The following BASP1 variants were observed in gnomAD, a reference collection of about 807,000 sequenced individuals.
The protein encoded by BASP1 is brain acid soluble protein 1.
BASP1 carries 1 observed loss-of-function variant against 2.2 expected under a neutral mutation model. The observed-to-expected ratio is 0.46, with a 90% CI of 0.16 to 2.17. The LOEUF is 2.17. Among genes scored for constraint, BASP1 ranks in the 30% most tolerant of loss-of-function variants. The pLI is 0.27. For missense variants in BASP1, 352 were observed against 327.2 expected (o/e 1.08, Z -0.58); for synonymous variants, 187 against 154.2 (o/e 1.21, Z -1.58).
chr5:17,275,435 G>A lies in BASP1; in HGVS notation c.219G>A (p.Lys73=). The A allele has an allele frequency of 6.5e-7, 1 of 1,531,200 alleles. No individual in the cohort carries two copies. Among genetic ancestry groups the A allele is most frequent in the Non-Finnish European group, 8.8e-7 (1 of 1,140,574 alleles). The allele number at this position is 1,531,200 out of a possible 1,614,324, so 94.9% of individuals were successfully genotyped here. A position where few individuals can be genotyped will look rare whatever the true frequency, so the allele number is the denominator to read the frequency against. Residue 73 remains lysine (K), a synonymous_variant, in exon 2 of 2, where the codon AAG becomes AAA. Transcript: ENST00000322611. The surrounding 1 kb of genome is among the most constrained non-coding windows in gnomAD (Gnocchi z 5.3). ...AGGCCGAGGAGAAGGAGGGCGAGAA[G>A]GACGCGGCGGCTGCCAAGGAGGAGG... ...EGKAEEKEGE[K]DAAAAKEEAP...
rs748574881 is a variant in BASP1 at position 17,275,767 on chromosome 5, A to C, written c.551A>C (p.Lys184Thr). ...AGCTCGGAGGCTGCCCCCTCTTCCA[A>C]GGAGACCCCCGCAGCCACGGAAGCG... ...PGSSEAAPSS[K>T]ETPAATEAPS... The change falls in exon 2 of 2, where the codon AAG becomes ACG. Residue 184 changes from lysine (K) to threonine (T), a missense_variant. Transcript: ENST00000322611. The surrounding 1 kb of genome is among the most constrained non-coding windows in gnomAD (Gnocchi z 5.3). The C allele has an allele frequency of 2.5e-6, 4 of 1,612,690 alleles. No homozygotes were observed. The highest frequency in any genetic ancestry group is 3.4e-6 in the Non-Finnish European group (4 of 1,179,690).
chr5:17,239,887 G>A lies in BASP1; in HGVS notation c.-10+22077G>A, dbSNP rs142689546. ...TTTATCCTGGTAGCATGGAGGTGTT[G>A]CTTCTTTTCATTTGTCTAGTTTTGT... On this transcript the variant is annotated intron_variant, in intron 1 of 1. Transcript: ENST00000322611. 3.1e-3 allele frequency among the ~76,000 whole-genome samples: 469 copies of A among 152,192 alleles called. 3 individuals are homozygous for A. Among genetic ancestry groups the A allele is most frequent in the African/African-American group, 0.011 (452 of 41,520 alleles).
At position 17,275,467 on chromosome 5, in the gene BASP1, A is replaced by T; in HGVS notation, c.251A>T (p.Lys84Met). The T allele has an allele frequency of 6.7e-7, 1 of 1,500,302 alleles. No individual in the cohort carries two copies. The highest frequency in any genetic ancestry group is 1.4e-5 in the African/African-American group (1 of 70,822). The allele number at this position is 1,500,302 out of a possible 1,614,324, so 92.9% of individuals were successfully genotyped here. A position where few individuals can be genotyped will look rare whatever the true frequency, so the allele number is the denominator to read the frequency against. ...GCGGCTGCCAAGGAGGAGGCCCCGA[A>T]GGCGGAGCCCGAGAAGACGGAGGGC... ...DAAAAKEEAPKAEPEKTEGAA... is the reference protein window; with the variant it reads ...DAAAAKEEAPMAEPEKTEGAA... The change falls in exon 2 of 2, where the codon AAG becomes ATG. Residue 84 changes from lysine (K) to methionine (M), a missense_variant. Physicochemically the swap from Lys to Met is moderately conservative, Grantham distance 95. Transcript: ENST00000322611. The surrounding 1 kb of genome is among the most constrained non-coding windows in gnomAD (Gnocchi z 5.3).
rs147432906 is a variant in BASP1, at chr5:17,264,868, G to C, written c.-9-10340G>C. Reference sequence around the variant, plus strand: ...GCATTTTCAAAGTAGAAACTTTATAGTGGATAGGGCCTTTGTATGATTCAA... The same window carrying C: ...GCATTTTCAAAGTAGAAACTTTATACTGGATAGGGCCTTTGTATGATTCAA... On this transcript the variant is annotated intron_variant, in intron 1 of 1. Transcript: ENST00000322611. Among the ~76,000 whole-genome samples the C allele has an allele frequency of 6.2e-4, 94 of 152,288 alleles. 1 individual carries two copies. The East Asian group carries it at 0.018, about 28-fold the overall frequency.
intron 1 of BASP1, among the ~76,000 whole-genome samples, chr5:17,230,663 A>G (rs934881595): frequency 2.0e-5 from 3 of 152,032 alleles, no homozygotes; most frequent in African/African-American, 7.2e-5. Context: ...TCCCGAGTTC[A>G]AGCGATTCTC....
At chr5:17,229,309 G>A (rs1009132251) in intron 1 of BASP1, among the ~76,000 whole-genome samples, 29 of 152,284 alleles carry the variant, frequency 1.9e-4, no homozygotes, top group African/African-American at 5.5e-4. Context: ...TGTTAAATAA[G>A]GTTTGAAAAC....
chr5:17,268,297 C>T (rs1740459305), intron 1 of BASP1, among the ~76,000 whole-genome samples: 1 of 152,012 alleles, frequency 6.6e-6, no homozygotes, highest in Non-Finnish European at 1.5e-5. Flanking sequence ...TTATTTTTTT[C>T]TTATACGGCA....
chr5:17,268,329 C>T (rs1740460430), intron 1 of BASP1, among the ~76,000 whole-genome samples: 2 of 151,948 alleles, frequency 1.3e-5, no homozygotes, highest in Non-Finnish European at 2.9e-5. Flanking sequence ...ACTCTTCCAC[C>T]TTTATTTTCT....
chr5:17,243,450 G>A (rs569055009), intron 1 of BASP1, among the ~76,000 whole-genome samples: 2 of 152,084 alleles, frequency 1.3e-5, no homozygotes, highest in Admixed American at 1.3e-4. Context: ...CACCACGCCC[G>A]GCTCCCTCCA....
At chr5:17,217,053 G>GGAGAGAGAGAGAGAGAGAGAGA (rs146244333), upstream of BASP1, 10 of 104,216 alleles carry the variant, frequency 9.6e-5, no homozygotes, top group African/African-American at 2.3e-4. Context: ...TAAATGAGGG[G>GGAGAGAGAGAGAGAGAGAGAGA]GAGAGAGAGA....
chr5:17,227,811 C>A (rs1739547578), intron 1 of BASP1, among the ~76,000 whole-genome samples: 1 of 152,210 alleles, frequency 6.6e-6, no homozygotes, highest in African/African-American at 2.4e-5. Flanking sequence ...AGGGTGAATG[C>A]CACCCTATTG....
chr5:17,256,746 A>T (rs560880588), intron 1 of BASP1, among the ~76,000 whole-genome samples: 9 of 152,222 alleles, frequency 5.9e-5, no homozygotes, highest in African/African-American at 2.2e-4. Flanking sequence ...TTCTAAGGAG[A>T]GTGATTCTCT....
At chr5:17,270,459 T>A (rs545222006) in intron 1 of BASP1, among the ~76,000 whole-genome samples, 3 of 152,336 alleles carry the variant, frequency 2.0e-5, no homozygotes, top group African/African-American at 7.2e-5. Context: ...TCTTAAGTAG[T>A]AAAATATTCA....
intron 1 of BASP1, among the ~76,000 whole-genome samples, chr5:17,271,596 A>G (rs906232508): frequency 6.6e-6 from 1 of 152,214 alleles, no homozygotes; most frequent in African/African-American, 2.4e-5. Flanking sequence ...GAGAAATGCA[A>G]AGTCAGTCTC....
intron 1 of BASP1, among the ~76,000 whole-genome samples, chr5:17,233,316 T>G (rs1367770167): frequency 2.0e-5 from 3 of 152,280 alleles, no homozygotes; most frequent in Admixed American, 6.5e-5. Context: ...GGTCTGAAGA[T>G]TGTCTCATTT....
At position 17,275,548 on chromosome 5, in the gene BASP1, C is replaced by A; in HGVS notation, c.332C>A (p.Pro111His). 1.4e-6 allele frequency: 2 copies of A among 1,404,958 alleles called. No homozygotes were observed. Among genetic ancestry groups the A allele is most frequent in the South Asian group, 1.6e-5 (1 of 62,320 alleles). The allele number at this position is 1,404,958 out of a possible 1,614,324, so 87.0% of individuals were successfully genotyped here. A position where few individuals can be genotyped will look rare whatever the true frequency, so the allele number is the denominator to read the frequency against. ...GCGCCCGAGCAGGAGCAGGCGGCCC[C>A]CGGCCCCGCTGCGGGCGGCGAGGCC... is the stretch of plus-strand genomic sequence containing the variant. ...PKAPEQEQAA[P>H]GPAAGGEAPK... The change falls in exon 2 of 2, where the codon CCC becomes CAC. Residue 111 changes from proline (P) to histidine (H), a missense_variant. Pro to His is a moderately conservative substitution (Grantham distance 77). Transcript: ENST00000322611. This position sits in a 1 kb window ranked among gnomAD's most constrained non-coding sequence, Gnocchi z 5.3.
intron 1 of BASP1, among the ~76,000 whole-genome samples, chr5:17,246,875 G>A (rs1740000991): frequency 6.6e-6 from 1 of 152,140 alleles, no homozygotes; most frequent in African/African-American, 2.4e-5. Flanking sequence ...CCTTCCATCA[G>A]TTACCTTGTA....
chr5:17,244,694 G>GTTTT (rs79126102), intron 1 of BASP1, among the ~76,000 whole-genome samples: 2 of 138,306 alleles, frequency 1.4e-5, no homozygotes, highest in Non-Finnish European at 3.2e-5. Flanking sequence ...TAATTGTAGT[G>GTTTT]TTTTTTTTTT....
rs1561180912 is a variant in BASP1, at chr5:17,276,733, AAAAAAC to A, written c.*839_*844del. 1.2e-5 allele frequency: 1 copy of A among 83,248 alleles called. No individual in the cohort carries two copies. Among genetic ancestry groups the A allele is most frequent in the Non-Finnish European group, 3.7e-5 (1 of 27,170 alleles). 5.2% of individuals were successfully genotyped at this position (83,248 alleles called of 1,614,324 possible). ...ACACCACTCATTGGAAAATGGAAAA[AAAAAAC>A]AAAAAAAAAACAAAAAAATGTACAA... is the stretch of plus-strand genomic sequence containing the variant. On this transcript the variant is annotated 3_prime_UTR_variant, in exon 2 of 2. Transcript: ENST00000322611.
Sources: gnomAD v4.1 joint callset for allele counts (sites outside exome capture counted in the v4.1 genomes callset) on GRCh38, gnomAD v4.1.1 for gene constraint, Gnocchi (gnomAD v3.1) non-coding constraint, MANE v1.5 for transcripts, NCBI Gene and HGNC (gene_info 2026-07-23, HGNC 2026-07-21) for gene names.